The following TTLL11 variants were observed in gnomAD, a reference collection of about 807,000 sequenced individuals.
TTLL11 encodes tubulin tyrosine ligase like 11, also known as tubulin polyglutamylase TTLL11.
Under a neutral mutation model 51.7 loss-of-function variants are expected in TTLL11, and 42 were observed. The observed-to-expected ratio is 0.81, with a 90% CI of 0.64 to 1.05. TTLL11 has a LOEUF of 1.05. Ranked by LOEUF, TTLL11 falls within the 50% of genes least tolerant of loss-of-function variation. The pLI, the probability that TTLL11 is intolerant of heterozygous loss-of-function variation, is 0.00. For synonymous variants in TTLL11, 381 were observed against 383.5 expected, an observed-to-expected ratio of 0.99 and a Z score of 0.08; for missense variants, 799 against 940.4, an observed-to-expected ratio of 0.85 and a Z score of 1.97.
At chr9:121,979,465 T>A (rs1564338709) in intron 4 of TTLL11, among the ~76,000 whole-genome samples, 1 of 152,266 alleles carries the variant, frequency 6.6e-6, no homozygotes, top group Admixed American at 6.5e-5. Context: ...AAATACACCA[T>A]ATTTTTCTAA....
intron 1 of TTLL11, 128 bp from the exon 2 acceptor site, chr9:122,039,496 G>T: frequency 1.6e-6 from 1 of 634,716 alleles, no homozygotes; most frequent in Non-Finnish European, 2.7e-6. Context: ...ATACGCATAT[G>T]AGGTAAGTGA....
At chr9:121,899,386 TATATATATATATATATAC>T (rs1839677139) in intron 6 of TTLL11, among the ~76,000 whole-genome samples, 2 of 105,748 alleles carry the variant, frequency 1.9e-5, no homozygotes, top group Admixed American at 1.0e-4. Flanking sequence ...TACATATATA[TATATATATATATATATAC>T]ACACACACAC....
At chr9:121,893,651 C>T (rs1839343276) in intron 6 of TTLL11, among the ~76,000 whole-genome samples, 1 of 152,132 alleles carries the variant, frequency 6.6e-6, no homozygotes, top group Non-Finnish European at 1.5e-5. Context: ...GTTTAATTAC[C>T]TCTACGTCTG....
intron 8 of TTLL11, among the ~76,000 whole-genome samples, chr9:121,837,905 G>T (rs1249642388): frequency 6.6e-6 from 1 of 152,150 alleles, no homozygotes; most frequent in African/African-American, 2.4e-5. Context: ...TGGAGACACG[G>T]TCTTCCCACG....
At chr9:122,039,891 C>CACACACACACACAT (rs1844797568) in intron 1 of TTLL11, among the ~76,000 whole-genome samples, 1 of 152,024 alleles carries the variant, frequency 6.6e-6, no homozygotes, top group Non-Finnish European at 1.5e-5. Context: ...CTCTCTCACA[C>CACACACACACACAT]ACACACACAC....
At chr9:121,902,702 T>C (rs891360165) in intron 6 of TTLL11, among the ~76,000 whole-genome samples, 1 of 152,078 alleles carries the variant, frequency 6.6e-6, no homozygotes, top group East Asian at 1.9e-4. Context: ...CATTTATGTG[T>C]TTTTAGTGGA....
At chr9:122,006,384 C>CT (rs202238281) in intron 3 of TTLL11, among the ~76,000 whole-genome samples, 7 of 149,578 alleles carry the variant, frequency 4.7e-5, no homozygotes, top group South Asian at 2.1e-4. Flanking sequence ...TTACATTTTG[C>CT]TTTTTTTTTC....
intron 6 of TTLL11, among the ~76,000 whole-genome samples, chr9:121,928,441 A>ATTTT (rs35562644): frequency 3.3e-3 from 431 of 131,822 alleles, no homozygotes; most frequent in African/African-American, 0.012. Context: ...TTTGTTTTGG[A>ATTTT]TTTTTTTTTT....
At position 121,974,020 on chromosome 9, in the gene TTLL11, TTTC is replaced by T; in HGVS notation, c.1467_1469del (p.Lys490del). The stretch of plus-strand genomic sequence containing the variant: ...AAAAAAGTACTTACTGATTCTCTCT[TTTC>T]TTCTTAAGTGGGTCCATGAGGCGCA... On this transcript the variant is annotated inframe_deletion, in exon 6 of 9. Transcript: ENST00000321582. The T allele has an allele frequency of 6.4e-7, 1 of 1,551,562 alleles. No individual in the cohort carries two copies. The highest frequency in any genetic ancestry group is 8.7e-7 in the Non-Finnish European group (1 of 1,146,832).
intron 1 of TTLL11, among the ~76,000 whole-genome samples, chr9:122,044,613 T>C (rs1844950130): frequency 6.6e-6 from 1 of 152,220 alleles, no homozygotes; most frequent in South Asian, 2.1e-4. Context: ...TGGCCAGTGA[T>C]GATGAGCAGA....
At chr9:121,885,817 C>A (rs1838989132) in intron 6 of TTLL11, among the ~76,000 whole-genome samples, 1 of 152,206 alleles carries the variant, frequency 6.6e-6, no homozygotes, top group Non-Finnish European at 1.5e-5. Context: ...CAGCCCCAAA[C>A]TCCTGGCCTC....
chr9:121,890,295 T>C lies in TTLL11; in HGVS notation c.1482-19547A>G, dbSNP rs1450379739. On this transcript the variant is annotated intron_variant, in intron 6 of 8. Transcript: ENST00000321582. The surrounding 1 kb of genome is among the most constrained non-coding windows in gnomAD (Gnocchi z 4.3). ...CAAGCCAGCCAAGTCCTATCCCTCC[T>C]GTCACTGCAGTTCACACACATCTCT... 6.6e-6 allele frequency among the ~76,000 whole-genome samples: 1 copy of C among 152,184 alleles called. No individual in the cohort carries two copies. Among genetic ancestry groups the C allele is most frequent in the Non-Finnish European group, 1.5e-5 (1 of 68,024 alleles).
intron 6 of TTLL11, among the ~76,000 whole-genome samples, chr9:121,962,880 A>G (rs756450420): frequency 6.6e-6 from 1 of 152,230 alleles, no homozygotes; most frequent in African/African-American, 2.4e-5. Flanking sequence ...GGAGATAGAG[A>G]CATGAGACCC....
Position 121,822,555 on chromosome 9 carries a change from G to T in TTLL11, c.*32C>A. 7.0e-7 allele frequency: 1 copy of T among 1,424,852 alleles called. No individual in the cohort carries two copies. Among genetic ancestry groups the T allele is most frequent in the Non-Finnish European group, 9.2e-7 (1 of 1,085,776 alleles). The allele number at this position is 1,424,852 out of a possible 1,614,324, so 88.3% of individuals were successfully genotyped here. On this transcript the variant is annotated 3_prime_UTR_variant, in exon 9 of 9. Coordinates refer to ENST00000321582, the MANE Select transcript of TTLL11 (RefSeq NM_001139442.2). The surrounding 1 kb of genome is among the most constrained non-coding windows in gnomAD (Gnocchi z 5.8). ...CGCTCCAGCCCTGAAAGCTGCTCTCGTCTTCCGTTTTCCAGGAGGACAGAG... is the reference window on the plus strand; with the variant it reads ...CGCTCCAGCCCTGAAAGCTGCTCTCTTCTTCCGTTTTCCAGGAGGACAGAG...
At chr9:121,878,044 C>A (rs1479189653) in intron 6 of TTLL11, among the ~76,000 whole-genome samples, 1 of 152,202 alleles carries the variant, frequency 6.6e-6, no homozygotes, top group African/African-American at 2.4e-5. Flanking sequence ...AACCTACTTT[C>A]CTAAGGTGGC....
chr9:121,936,935 G>A (rs1168813373), intron 6 of TTLL11, among the ~76,000 whole-genome samples: 5 of 152,182 alleles, frequency 3.3e-5, no homozygotes. Context: ...TATGAGACAT[G>A]CTAGGCTGTT....
At chr9:121,860,286 C>T in intron 8 of TTLL11, 51 bp downstream of exon 8, 3 of 1,393,818 alleles carry the variant, frequency 2.2e-6, no homozygotes, top group East Asian at 2.5e-5. Flanking sequence ...AATATACCAC[C>T]CATGCCTGTC....
chr9:122,077,485 G>C (rs1246379944), intron 1 of TTLL11, among the ~76,000 whole-genome samples: 1 of 151,950 alleles, frequency 6.6e-6, no homozygotes, highest in Non-Finnish European at 1.5e-5. Context: ...AATAGAATAT[G>C]TAACTTCCAG....
intron 1 of TTLL11, among the ~76,000 whole-genome samples, chr9:122,088,536 C>A (rs553130577): frequency 2.6e-5 from 4 of 152,302 alleles, no homozygotes; most frequent in African/African-American, 9.6e-5. Context: ...CTGTGTATTT[C>A]CATGTTCTCA....
Sources: allele counts gnomAD v4.1 joint callset (sites outside exome capture counted in the v4.1 genomes callset), GRCh38; gene constraint gnomAD v4.1.1; non-coding constraint Gnocchi (gnomAD v3.1); transcripts MANE v1.5; gene names NCBI Gene and HGNC (gene_info 2026-07-23, HGNC 2026-07-21).